PTPRG: variants seen among roughly 807,000 people sequenced by gnomAD.
PTPRG encodes protein tyrosine phosphatase receptor type G.
In PTPRG, 102 loss-of-function variants were observed where a neutral mutation model predicts 165.3. The observed-to-expected ratio is 0.62, with a 90% CI of 0.53 to 0.73. The LOEUF is 0.73. Ranked by LOEUF, PTPRG falls within the 30% of genes least tolerant of loss-of-function variation. The pLI, the probability that PTPRG is intolerant of heterozygous loss-of-function variation, is 0.00. For missense variants in PTPRG, 1,866 were observed against 1,861.4 expected (o/e 1.00, Z -0.05); for synonymous variants, 675 against 669.5 (o/e 1.01, Z -0.13).
intron 4 of PTPRG, among the ~76,000 whole-genome samples, chr3:62,027,961 A>C (rs1363680501): frequency 6.6e-6 from 1 of 152,076 alleles, no homozygotes; most frequent in African/African-American, 2.4e-5. Flanking sequence ...AGTGTTTGCA[A>C]CTCGTGATTA....
chr3:62,001,569 AT>A (rs2041172743), intron 3 of PTPRG, among the ~76,000 whole-genome samples: 1 of 151,852 alleles, frequency 6.6e-6, no homozygotes, highest in East Asian at 1.9e-4. Context: ...TTGGTATAAT[AT>A]AATATTTTAG....
chr3:61,839,716 T>C (rs1440043593), intron 2 of PTPRG, among the ~76,000 whole-genome samples: 1 of 152,202 alleles, frequency 6.6e-6, no homozygotes, highest in African/African-American at 2.4e-5. Flanking sequence ...AAAATAAACA[T>C]TTAGAGAAAT....
chr3:62,060,002 G>C (rs949898801), intron 4 of PTPRG, among the ~76,000 whole-genome samples: 1 of 152,012 alleles, frequency 6.6e-6, no homozygotes, highest in Non-Finnish European at 1.5e-5. Context: ...TACCAGTCTT[G>C]GATATGTCTT....
chr3:62,102,690 A>G (rs1182490372), intron 5 of PTPRG, among the ~76,000 whole-genome samples: 2 of 152,048 alleles, frequency 1.3e-5, no homozygotes, highest in African/African-American at 4.8e-5. Flanking sequence ...ATAAATCATC[A>G]CTACTCTCTG....
chr3:62,287,830 T>TCAAACACAAATGGTTTATTTATATAC (rs1702728143), intron 28 of PTPRG, among the ~76,000 whole-genome samples: 1 of 152,104 alleles, frequency 6.6e-6, no homozygotes, highest in Non-Finnish European at 1.5e-5. Flanking sequence ...TAGAGTCTCT[T>TCAAACACAAATGGTTTATTTATATAC]CAAACACAAA....
rs528473525 is a variant in PTPRG, at chr3:62,229,679, C to G, written c.2289-1546C>G. Among the ~76,000 whole-genome samples the G allele has an allele frequency of 1.3e-5, 2 of 152,274 alleles. No homozygotes were observed. The highest frequency in any genetic ancestry group is 2.1e-4 in the South Asian group (1 of 4,820). ...GATTTCTCAGAATTAACTGTCTTCT[C>G]CCCCCGGGGTTAATTATGTCTGTTC... is the stretch of plus-strand genomic sequence containing the variant. On this transcript the variant is annotated intron_variant, in intron 13 of 29. Coordinates refer to ENST00000474889, the MANE Select transcript of PTPRG (RefSeq NM_002841.4). The surrounding 1 kb of genome is among the most constrained non-coding windows in gnomAD (Gnocchi z 4.6).
At chr3:62,212,661 T>G (rs17685418) in intron 12 of PTPRG, among the ~76,000 whole-genome samples, 6 of 151,822 alleles carry the variant, frequency 4.0e-5, no homozygotes, top group African/African-American at 1.5e-4. Flanking sequence ...GGTGTGACAT[T>G]AGGGAGTAGT....
chr3:61,900,893 T>A (rs2038483130), intron 2 of PTPRG, among the ~76,000 whole-genome samples: 1 of 152,156 alleles, frequency 6.6e-6, no homozygotes, highest in Non-Finnish European at 1.5e-5. Context: ...AGGCAAGGGA[T>A]CTAACCTCAC....
chr3:62,080,132 A>G (rs980154994), intron 5 of PTPRG, among the ~76,000 whole-genome samples: 7 of 140,836 alleles, frequency 5.0e-5, no homozygotes, highest in Admixed American at 4.6e-4. Flanking sequence ...CAGTGGCACT[A>G]TCTCAGCTCA....
At chr3:62,047,997 CT>C (rs1353737278) in intron 4 of PTPRG, among the ~76,000 whole-genome samples, 2 of 152,086 alleles carry the variant, frequency 1.3e-5, no homozygotes, top group Admixed American at 6.6e-5. Flanking sequence ...TAACCTGGCG[CT>C]CCATTAATTA....
At chr3:61,743,050 C>T (rs584959) in intron 1 of PTPRG, 997,138 of 1,590,140 alleles carry the variant, frequency 0.63, 320,095 homozygotes, top group Non-Finnish European at 0.66. Flanking sequence ...GCGCTGGTTC[C>T]GGTGCAGGAC....
intron 1 of PTPRG, among the ~76,000 whole-genome samples, chr3:61,567,363 A>G (rs552185487): frequency 1.7e-3 from 256 of 152,220 alleles, no homozygotes; most frequent in Non-Finnish European, 3.1e-3. Context: ...TTGTCCCAGA[A>G]TGAGGTTGCC....
chr3:62,084,353 C>A (rs1317994270), intron 5 of PTPRG, among the ~76,000 whole-genome samples: 1 of 152,156 alleles, frequency 6.6e-6, no homozygotes, highest in Non-Finnish European at 1.5e-5. Flanking sequence ...GTTGAGCTGC[C>A]TTCCTTTGTA....
Position 61,688,683 on chromosome 3 carries a change from G to A in PTPRG, c.86-60195G>A, listed in dbSNP as rs141009003. ...TGTTTTCCATACCAAAGGACTTAAC[G>A]CTTATGTTTGCAAAATTCAATAGTC... On this transcript the variant is annotated intron_variant, in intron 1 of 29. Transcript: ENST00000474889. Among the ~76,000 whole-genome samples, 19 of 152,312 alleles carry A rather than the reference G, an allele frequency of 1.2e-4. No homozygotes were observed. The East Asian group carries it at 2.1e-3, about 17-fold the overall frequency.
intron 1 of PTPRG, among the ~76,000 whole-genome samples, chr3:61,670,925 G>A (rs563067435): frequency 1.8e-4 from 28 of 152,252 alleles, no homozygotes; most frequent in African/African-American, 5.8e-4. Flanking sequence ...GGAGTGTGAC[G>A]TAGAGACACT....
chr3:62,292,757 ACAG>A, intron 29 of PTPRG: 1 of 581,972 alleles, frequency 1.7e-6, no homozygotes, highest in Admixed American at 3.3e-5. Flanking sequence ...AGCAAACTAC[ACAG>A]CACAAGACAG....
intron 2 of PTPRG, among the ~76,000 whole-genome samples, chr3:61,821,546 C>G (rs1287063619): frequency 2.0e-5 from 3 of 152,084 alleles, no homozygotes; most frequent in Admixed American, 2.0e-4. Flanking sequence ...AATAGTATTT[C>G]TTTCGTTTTG....
At chr3:61,998,980 C>G (rs1361079716) in intron 3 of PTPRG, among the ~76,000 whole-genome samples, 1 of 152,156 alleles carries the variant, frequency 6.6e-6, no homozygotes, top group Non-Finnish European at 1.5e-5. Context: ...TGAGGGCCTG[C>G]TTTCTGATTC....
chr3:62,111,805 A>G (rs974539445), intron 5 of PTPRG, among the ~76,000 whole-genome samples: 15 of 152,048 alleles, frequency 9.9e-5, no homozygotes, highest in African/African-American at 3.4e-4. Context: ...TTTTTCCTTT[A>G]AATGTCAATT....
Sources: allele counts gnomAD v4.1 joint callset (sites outside exome capture counted in the v4.1 genomes callset), GRCh38; gene constraint gnomAD v4.1.1; non-coding constraint Gnocchi (gnomAD v3.1); transcripts MANE v1.5; gene names NCBI Gene and HGNC (gene_info 2026-07-23, HGNC 2026-07-21).